The following RBL1 variants were observed in gnomAD, a reference collection of about 807,000 sequenced individuals.
RBL1 encodes retinoblastoma-like protein 1.
RBL1 carries 82 observed loss-of-function variants against 123.0 expected under a neutral mutation model. The observed-to-expected ratio is 0.67, with a 90% CI of 0.56 to 0.80. RBL1 has a LOEUF of 0.80. Among genes scored for constraint, RBL1 ranks in the 30% least tolerant of loss-of-function variants. The pLI is 0.00. For missense variants in RBL1, 1,171 were observed against 1,299.6 expected (o/e 0.90, Z 1.52); for synonymous variants, 405 against 441.3 (o/e 0.92, Z 1.03).
At chr20:37,068,460 C>G (rs889312664) in intron 2 of RBL1, among the ~76,000 whole-genome samples, 1 of 151,710 alleles carries the variant, frequency 6.6e-6, no homozygotes, top group African/African-American at 2.4e-5. Context: ...TACTCCAGCC[C>G]GGGTGACAAA....
intron 17 of RBL1, among the ~76,000 whole-genome samples, 177 bp downstream of exon 17, chr20:37,022,472 GC>G (rs2064356072): frequency 6.6e-6 from 1 of 152,136 alleles, no homozygotes; most frequent in Non-Finnish European, 1.5e-5. Flanking sequence ...GCCTATAGGT[GC>G]AAGCCACAAT....
intron 2 of RBL1, among the ~76,000 whole-genome samples, chr20:37,079,221 A>C (rs975610261): frequency 7.3e-5 from 11 of 150,876 alleles, no homozygotes; most frequent in African/African-American, 2.4e-4. Context: ...AAAAAAAAAA[A>C]CCCTCAAATG....
chr20:37,017,898 G>A (rs899608987), intron 19 of RBL1, among the ~76,000 whole-genome samples: 1 of 152,080 alleles, frequency 6.6e-6, no homozygotes, highest in Non-Finnish European at 1.5e-5. Context: ...GCCTCCCAAA[G>A]TGCTGGAATT....
chr20:37,069,229 G>T (rs1456982142), intron 2 of RBL1, among the ~76,000 whole-genome samples: 4 of 152,262 alleles, frequency 2.6e-5, no homozygotes, highest in Non-Finnish European at 5.9e-5. Context: ...CTCCCAAAGT[G>T]CCAAGATTGC....
At chr20:37,017,656 G>C (rs1339522642) in intron 19 of RBL1, among the ~76,000 whole-genome samples, 1 of 150,748 alleles carries the variant, frequency 6.6e-6, no homozygotes, top group Non-Finnish European at 1.5e-5. Flanking sequence ...GTGTGTGACA[G>C]AGTCTCACTT....
rs757526528 is a variant in RBL1, at chr20:37,068,040, A to G, written c.437T>C (p.Ile146Thr). 2 of 1,613,788 alleles carry G rather than the reference A, an allele frequency of 1.2e-6. No individual in the cohort carries two copies. The highest frequency in any genetic ancestry group is 2.2e-5 in the South Asian group (2 of 91,034). Residue 146 changes from isoleucine (I) to threonine (T), a missense_variant, in exon 3 of 22, where the codon ATA (isoleucine) becomes ACA (threonine). Coordinates refer to ENST00000373664, the MANE Select transcript of RBL1 (RefSeq NM_002895.5). ...TGGTTCTTCATATGGATTTTGAAAT[A>G]TATCTAAAAAAATTGGCTCATATTT... ...FKKYEPIFLD[I>T]FQNPYEEPPK...
chr20:37,054,407 T>C (rs1276094050), intron 11 of RBL1, among the ~76,000 whole-genome samples: 1 of 151,302 alleles, frequency 6.6e-6, no homozygotes, highest in African/African-American at 2.4e-5. Context: ...CTGCTTGAAC[T>C]CGCGAGGCGG....
chr20:37,012,209 G>C (rs555800381), intron 19 of RBL1, among the ~76,000 whole-genome samples: 1 of 152,200 alleles, frequency 6.6e-6, no homozygotes, highest in South Asian at 2.1e-4. Context: ...ATCTCGGCTC[G>C]CTACAACCTC....
chr20:37,067,877 T>A, intron 3 of RBL1, 109 bp downstream of exon 3: 8 of 1,261,232 alleles, frequency 6.3e-6, no homozygotes, highest in Non-Finnish European at 8.8e-6. Flanking sequence ...AGAAAATAAT[T>A]AAGTTCTTTG....
rs1033206728 is a variant in RBL1 at position 37,045,395 on chromosome 20, C to T, written c.1606-1145G>A. ...TGCTGGGATTATAGGCATGAGCCAC[C>T]GTGCCTGGCCCACATTTATGTTTAT... On this transcript the variant is annotated intron_variant, in intron 12 of 21. Coordinates refer to ENST00000373664, the MANE Select transcript of RBL1 (RefSeq NM_002895.5). 7.9e-5 allele frequency among the ~76,000 whole-genome samples: 12 copies of T among 151,854 alleles called. No individual in the cohort carries two copies. In the South Asian group the frequency reaches 1.0e-3, roughly 13 times the overall value.
At chr20:37,061,580 G>A (rs1053565618) in intron 8 of RBL1, among the ~76,000 whole-genome samples, 3 of 152,086 alleles carry the variant, frequency 2.0e-5, no homozygotes, top group Non-Finnish European at 4.4e-5. Context: ...GTAAAGCTTG[G>A]ACTAAAACTT....
At chr20:37,052,933 C>T (rs1369031122) in intron 11 of RBL1, among the ~76,000 whole-genome samples, 18 of 152,178 alleles carry the variant, frequency 1.2e-4, no homozygotes, top group Admixed American at 9.8e-4. Flanking sequence ...TGAGCCACTG[C>T]GCCTGGCCAG....
At chr20:37,024,360 A>C (rs929368794) in intron 16 of RBL1, among the ~76,000 whole-genome samples, 13 of 152,340 alleles carry the variant, frequency 8.5e-5, no homozygotes, top group Middle Eastern at 3.4e-3. Context: ...CTTTATATTC[A>C]TGAAAGGAGA....
In RBL1 at chr20:37,066,834, G is replaced by A. The variant is rs759718647; in HGVS notation, c.736C>T (p.Pro246Ser). The A allele has an allele frequency of 5.6e-6, 9 of 1,613,708 alleles. No individual in the cohort carries two copies. The South Asian group carries it at 7.7e-5, about 14-fold the overall frequency. Residue 246 changes from proline (P) to serine (S), a missense_variant, in exon 6 of 22, where the codon CCC becomes TCC. Coordinates refer to ENST00000373664, the MANE Select transcript of RBL1 (RefSeq NM_002895.5). ...TADFTASEEP[P>S]CIIAVLCELH... Reference sequence around the variant, plus strand: ...TCACACAGTACAGCAATGATGCAGGGTGGCTCTTCAGAAGCCGTAAAGTCA... The same window carrying A: ...TCACACAGTACAGCAATGATGCAGGATGGCTCTTCAGAAGCCGTAAAGTCA...
At position 37,068,113 on chromosome 20, in the gene RBL1, T is replaced by C. The variant is rs1462413768; in HGVS notation, c.364A>G (p.Ile122Val). ...TCAAAATTTCTCTCTAGCCTTTCTA[T>C]ACGTTCACGAAATTCTTGTGGTAGA... Reference protein sequence around the residue: ...SNLPQEFRERIERLERNFEVS... With the variant: ...SNLPQEFRERVERLERNFEVS... Residue 122 changes from isoleucine to valine, a missense_variant, in exon 3 of 22, where the codon ATA becomes GTA. Ile to Val is a conservative substitution (Grantham distance 29, BLOSUM62 3). Transcript: ENST00000373664. 1.3e-5 allele frequency: 21 copies of C among 1,613,202 alleles called. No individual in the cohort carries two copies. The highest frequency in any genetic ancestry group is 1.7e-5 in the Non-Finnish European group (20 of 1,179,824).
At chr20:37,058,307 G>A (rs1380961046) in intron 9 of RBL1, among the ~76,000 whole-genome samples, 1 of 151,794 alleles carries the variant, frequency 6.6e-6, no homozygotes, top group Non-Finnish European at 1.5e-5. Context: ...CATGAGGTCA[G>A]GAGATCGAGA....
intron 14 of RBL1, among the ~76,000 whole-genome samples, chr20:37,039,563 T>A (rs2146259481): frequency 6.6e-6 from 1 of 152,300 alleles, no homozygotes; most frequent in African/African-American, 2.4e-5. Flanking sequence ...TGCTGCCATG[T>A]AAGATGTGCC....
At chr20:37,033,039 A>ATTTC (rs2064540383) in intron 15 of RBL1, among the ~76,000 whole-genome samples, 163 bp from the exon 16 acceptor site, 2 of 142,898 alleles carry the variant, frequency 1.4e-5, no homozygotes, top group Admixed American at 7.2e-5. Context: ...TTTTTTTGAG[A>ATTTC]CAGGGTCTCA....
chr20:37,049,268 G>GA, intron 11 of RBL1: 1 of 543,792 alleles, frequency 1.8e-6, no homozygotes, highest in Non-Finnish European at 3.3e-6. Context: ...AGATTTTCGT[G>GA]AAAACCCTTA....
Sources: gnomAD v4.1 joint callset for allele counts (sites outside exome capture counted in the v4.1 genomes callset) on GRCh38, gnomAD v4.1.1 for gene constraint, MANE v1.5 for transcripts, NCBI Gene and HGNC (gene_info 2026-07-23, HGNC 2026-07-21) for gene names.